The following POU2F2 variants were observed in gnomAD, a reference collection of about 807,000 sequenced individuals.
The protein encoded by POU2F2 is POU class 2 homeobox 2.
In POU2F2, 14 loss-of-function variants were observed where a neutral mutation model predicts 63.5. The observed-to-expected ratio is 0.22, with a 90% CI of 0.15 to 0.34. The LOEUF (loss-of-function observed/expected upper bound fraction) is 0.34, where lower values mean the gene tolerates loss of function less well. Among genes scored for constraint, POU2F2 ranks in the 10% least tolerant of loss-of-function variants. The pLI is 1.00. For missense variants in POU2F2, 607 were observed against 815.2 expected (o/e 0.74, Z 3.11); for synonymous variants, 306 against 348.6 (o/e 0.88, Z 1.36).
intron 1 of POU2F2, among the ~76,000 whole-genome samples, chr19:42,164,391 A>G (rs756225903): frequency 2.6e-5 from 4 of 151,760 alleles, no homozygotes; most frequent in Non-Finnish European, 5.9e-5. Context: ...AGGAGTTTGA[A>G]ACCCCATCTC....
chr19:42,180,105 G>A (rs2034944090), upstream of POU2F2, among the ~76,000 whole-genome samples: 1 of 151,904 alleles, frequency 6.6e-6, no homozygotes, highest in Non-Finnish European at 1.5e-5. Context: ...CATGAACATA[G>A]TGGACACGGA....
chr19:42,158,744 G>C (rs2034501858), intron 2 of POU2F2, among the ~76,000 whole-genome samples: 1 of 152,132 alleles, frequency 6.6e-6, no homozygotes, highest in Admixed American at 6.5e-5. Context: ...TGAAATCATA[G>C]ACCTAACAGT....
chr19:42,181,680 G>C (rs1000745150), intron 1 of POU2F2, among the ~76,000 whole-genome samples: 3 of 151,876 alleles, frequency 2.0e-5, no homozygotes, highest in Non-Finnish European at 4.4e-5. Context: ...TCTGCCTCCC[G>C]GGTTCAAGCT....
rs2034384314 is a variant in POU2F2 at position 42,152,977 on chromosome 19, G to A, written c.-9+7355C>T. ...GGTGCTGGAGTAGGCTACGGTGAAT[G>A]GACACAAAGAACAGTGGGGCGAACC... On this transcript the variant is annotated intron_variant, in intron 2 of 6. Coordinates refer to the POU2F2 transcript ENST00000524801. This position sits in a 1 kb window ranked among gnomAD's most constrained non-coding sequence, Gnocchi z 4.1. Among the ~76,000 whole-genome samples the A allele has an allele frequency of 6.6e-6, 1 of 152,114 alleles. No individual in the cohort carries two copies. Among genetic ancestry groups the A allele is most frequent in the African/African-American group, 2.4e-5 (1 of 41,404 alleles).
chr19:42,158,905 AAACTGC>A (rs138445529), intron 2 of POU2F2, among the ~76,000 whole-genome samples: 14,160 of 152,210 alleles, frequency 0.093, 885 homozygotes, highest in Middle Eastern at 0.18. Context: ...ATTCCTGGAA[AAACTGC>A]AACTTCGGTT....
At chr19:42,126,606 G>C (rs1001463410) in intron 1 of POU2F2, among the ~76,000 whole-genome samples, 2 of 152,096 alleles carry the variant, frequency 1.3e-5, no homozygotes, top group Non-Finnish European at 2.9e-5. Flanking sequence ...TACAGCCTCC[G>C]TAATTGTGAA....
At position 42,118,382 on chromosome 19, in the gene POU2F2, G is replaced by A. The variant is rs563208139; in HGVS notation, c.187-950C>T. On this transcript the variant is annotated intron_variant, in intron 4 of 14. Transcript: ENST00000692977. The stretch of plus-strand genomic sequence containing the variant: ...ACAGGAGTAGGGGTGGATGGAGGTG[G>A]GCTGGAGAGAGCGCCTGCCTAAGTG... 1.1e-4 allele frequency among the ~76,000 whole-genome samples: 16 copies of A among 152,298 alleles called. No homozygotes were observed. The South Asian group carries it at 3.3e-3, about 32-fold the overall frequency.
At chr19:42,122,075 A>T (rs1425751144) in intron 4 of POU2F2, 51 bp downstream of exon 4, 2 of 1,541,962 alleles carry the variant, frequency 1.3e-6, no homozygotes, top group Non-Finnish European at 1.8e-6. Flanking sequence ...CCTCCTGAGG[A>T]CCCTCTTCCA....
intron 1 of POU2F2, among the ~76,000 whole-genome samples, chr19:42,166,057 G>A (rs1240376496): frequency 1.2e-4 from 19 of 152,228 alleles, no homozygotes; most frequent in Non-Finnish European, 2.8e-4. Context: ...GGTTGGTAAA[G>A]GGGAATTAAG....
rs902986430 is a variant in POU2F2 at position 42,151,170 on chromosome 19, G to C, written c.-9+9162C>G. 1.3e-5 allele frequency among the ~76,000 whole-genome samples: 2 copies of C among 152,170 alleles called. 1 individual carries two copies. Among genetic ancestry groups the C allele is most frequent in the South Asian group, 4.1e-4 (2 of 4,830 alleles). ...ATGGGAGGAGGGAGGGGGAGAGGTC[G>C]GGGGTCAGGCCACGTCCCCTCAGCT... On this transcript the variant is annotated intron_variant, in intron 2 of 6. Coordinates refer to the POU2F2 transcript ENST00000524801.
intron 5 of POU2F2, among the ~76,000 whole-genome samples, chr19:42,101,240 T>C (rs968165980): frequency 4.7e-4 from 72 of 152,262 alleles, no homozygotes; most frequent in African/African-American, 1.7e-3. Flanking sequence ...AGCACTGTTA[T>C]AGGTTGCAGT....
intron 7 of POU2F2, 156 bp downstream of exon 7, chr19:42,099,371 G>C (rs1476107529): frequency 1.5e-6 from 1 of 670,328 alleles, no homozygotes; most frequent in East Asian, 2.8e-5. Flanking sequence ...CCCAGACAGG[G>C]AGATGGGCTT....
chr19:42,181,944 T>C (rs2034965676), intron 1 of POU2F2, among the ~76,000 whole-genome samples: 2 of 152,170 alleles, frequency 1.3e-5, no homozygotes, highest in African/African-American at 4.8e-5. Context: ...TTCGCGCATC[T>C]GTGGCCATGT....
chr19:42,127,317 T>C lies in POU2F2; in HGVS notation c.29-4741A>G, dbSNP rs375947404. On this transcript the variant is annotated intron_variant, in intron 1 of 14. Coordinates refer to ENST00000692977, the MANE Select transcript of POU2F2 (RefSeq NM_001394376.1). ...GCTGTTCCCTCTGTCTGGAACACTG[T>C]TCCCCAATCTGTCCACCTGGCGACC... Among the ~76,000 whole-genome samples, 5 of 152,072 alleles carry C rather than the reference T, an allele frequency of 3.3e-5. No homozygotes were observed. In the East Asian group the frequency reaches 9.7e-4, roughly 29 times the overall value.
At position 42,096,160 on chromosome 19, in the gene POU2F2, C is replaced by T; in HGVS notation, c.651G>A (p.Glu217=). 6.2e-7 allele frequency: 1 copy of T among 1,613,678 alleles called. No individual in the cohort carries two copies. The highest frequency in any genetic ancestry group is 8.5e-7 in the Non-Finnish European group (1 of 1,179,834). Residue 217 remains glutamate (E), a synonymous_variant, in exon 8 of 15, where the codon GAG becomes GAA. Transcript: ENST00000692977. This position sits in a 1 kb window ranked among gnomAD's most constrained non-coding sequence, Gnocchi z 4.1. ...CCAGCTCCTCCAGATCACTGGGCTCCTCGGGGTGGGATGGTGGCTCCAAGC... is the reference window on the plus strand; with the variant it reads ...CCAGCTCCTCCAGATCACTGGGCTCTTCGGGGTGGGATGGTGGCTCCAAGC... ...PKCLEPPSHP[E]EPSDLEELEQ...
chr19:42,145,655 C>T (rs2034214779), intron 2 of POU2F2, among the ~76,000 whole-genome samples: 1 of 152,192 alleles, frequency 6.6e-6, no homozygotes, highest in Admixed American at 6.5e-5. Flanking sequence ...CTGCTTTAGG[C>T]TGGGTGCAGT....
At chr19:42,193,140 G>A (rs537558135) in intron 1 of POU2F2, among the ~76,000 whole-genome samples, 5 of 151,100 alleles carry the variant, frequency 3.3e-5, no homozygotes, top group Admixed American at 2.0e-4. Flanking sequence ...GCGGGAGAAT[G>A]GCGGGAGGCG....
At chr19:42,107,083 C>T (rs2030210632) in intron 5 of POU2F2, among the ~76,000 whole-genome samples, 1 of 151,978 alleles carries the variant, frequency 6.6e-6, no homozygotes, top group Non-Finnish European at 1.5e-5. Context: ...TGCGGTGGCT[C>T]ATGCCTGTAA....
rs562739899 is a variant in POU2F2 at position 42,146,926 on chromosome 19, C to T, written c.-9+13406G>A. The stretch of plus-strand genomic sequence containing the variant: ...CCAATTCCAAAAGCGCTGTCTGATT[C>T]CTCCACTCCTCCCACTGCAGTCCAG... On this transcript the variant is annotated intron_variant, in intron 2 of 6. Coordinates refer to the POU2F2 transcript ENST00000524801. 5.3e-5 allele frequency among the ~76,000 whole-genome samples: 8 copies of T among 152,264 alleles called. No homozygotes were observed. The South Asian group carries it at 1.7e-3, about 32-fold the overall frequency.
Sources: allele counts gnomAD v4.1 joint callset (sites outside exome capture counted in the v4.1 genomes callset), GRCh38; gene constraint gnomAD v4.1.1; non-coding constraint Gnocchi (gnomAD v3.1); transcripts MANE v1.5; gene names NCBI Gene and HGNC (gene_info 2026-07-23, HGNC 2026-07-21).